ZNF728: variants seen among roughly 807,000 people sequenced by gnomAD.
The protein encoded by ZNF728 is zinc finger protein 728.
A neutral mutation model predicts 12.5 loss-of-function variants in ZNF728; 12 were observed. The ratio of observed to expected loss-of-function variants is 0.96; its 90% CI spans 0.61 to 1.55. ZNF728 has a LOEUF of 1.55. Among genes scored for constraint, ZNF728 ranks in the 40% most tolerant of loss-of-function variants. The pLI, the probability that ZNF728 is intolerant of heterozygous loss-of-function variation, is 0.00. For synonymous variants in ZNF728, 205 were observed against 240.7 expected (o/e 0.85, Z 1.37); for missense variants, 692 against 719.2 (o/e 0.96, Z 0.43).
chr19:22,979,622 G>A (rs8104964), intron 3 of ZNF728, among the ~76,000 whole-genome samples: 8,773 of 125,096 alleles, frequency 0.07, 322 homozygotes, highest in Middle Eastern at 0.12. Context: ...GAGAAAGGTC[G>A]AGATACCCAA....
intron 2 of ZNF728, among the ~76,000 whole-genome samples, chr19:22,987,751 A>C (rs1968933717): frequency 6.6e-6 from 1 of 152,170 alleles, no homozygotes; most frequent in Non-Finnish European, 1.5e-5. Context: ...ACATCTTGAA[A>C]TTTTTTTCTC....
At chr19:22,978,218 A>G (rs968253902) in intron 3 of ZNF728, among the ~76,000 whole-genome samples, 1 of 152,034 alleles carries the variant, frequency 6.6e-6, no homozygotes, top group Non-Finnish European at 1.5e-5. Flanking sequence ...AGTGATTTGC[A>G]AACATAGTCT....
At chr19:22,993,812 A>C (rs1177264276) in intron 1 of ZNF728, among the ~76,000 whole-genome samples, 1 of 152,206 alleles carries the variant, frequency 6.6e-6, no homozygotes, top group Non-Finnish European at 1.5e-5. Context: ...AGCTGAAAAA[A>C]AGGGAGAAAA....
At position 22,988,366 on chromosome 19, in the gene ZNF728, C is replaced by T. The variant is rs1257239780; in HGVS notation, c.89G>A (p.Arg30Lys). Residue 30 changes from arginine to lysine, a missense_variant, in exon 2 of 4, where the codon AGG becomes AAG. Around this residue, in one of 3 missense-constraint regions of ZNF728, gnomAD observed 440 missense variants for 459.6 expected, o/e 0.96. Transcript: ENST00000594710. The part of the protein sequence containing the change: ...CLDTAQQNLY[R>K]NVMLENYRNL... ...TCTGTAGTTCTCTAACATCACATTC[C>T]TATATAAATTCTGCTGTGCAGTGTC... 1.2e-6 allele frequency: 2 copies of T among 1,614,156 alleles called. No homozygotes were observed. Among genetic ancestry groups the T allele is most frequent in the Admixed American group, 3.3e-5 (2 of 60,016 alleles).
At chr19:22,988,799 C>G (rs546964416) in intron 1 of ZNF728, among the ~76,000 whole-genome samples, 3 of 151,966 alleles carry the variant, frequency 2.0e-5, no homozygotes, top group Non-Finnish European at 4.4e-5. Context: ...TGCCTGTAAT[C>G]CCAGCACTTT....
intron 3 of ZNF728, among the ~76,000 whole-genome samples, chr19:22,979,267 A>G (rs1968837214): frequency 6.6e-6 from 1 of 152,240 alleles, no homozygotes; most frequent in South Asian, 2.1e-4. Flanking sequence ...GATATCAGAG[A>G]CTGAAGATCA....
chr19:22,983,943 G>A (rs920852816), intron 3 of ZNF728, among the ~76,000 whole-genome samples: 13 of 151,958 alleles, frequency 8.6e-5, no homozygotes, highest in African/African-American at 2.4e-4. Context: ...ACCATGGCAC[G>A]TGCATACCTA....
At chr19:22,984,109 T>C (rs904482173) in intron 3 of ZNF728, among the ~76,000 whole-genome samples, 4 of 152,144 alleles carry the variant, frequency 2.6e-5, no homozygotes, top group African/African-American at 9.7e-5. Flanking sequence ...AACATCGGGA[T>C]ATACACCCTT....
chr19:22,977,228 C>T, intron 3 of ZNF728, 118 bp from the exon 4 acceptor site: 3 of 945,180 alleles, frequency 3.2e-6, no homozygotes, highest in Non-Finnish European at 4.5e-6. Context: ...ATGACACAGG[C>T]CCTAATTCTT....
At chr19:22,984,615 C>CACAT (rs1455557678) in intron 3 of ZNF728, among the ~76,000 whole-genome samples, 5 of 136,044 alleles carry the variant, frequency 3.7e-5, no homozygotes, top group African/African-American at 1.4e-4. Context: ...CACACACACA[C>CACAT]ATATACACAC....
intron 1 of ZNF728, among the ~76,000 whole-genome samples, chr19:23,001,460 T>C (rs1275854008): frequency 6.6e-6 from 1 of 152,222 alleles, no homozygotes; most frequent in Non-Finnish European, 1.5e-5. Context: ...ATACCTCAGG[T>C]TGTCTTATGG....
intron 1 of ZNF728, among the ~76,000 whole-genome samples, chr19:22,992,429 G>A (rs1968999524): frequency 6.6e-6 from 1 of 152,040 alleles, no homozygotes; most frequent in African/African-American, 2.4e-5. Flanking sequence ...TTTTAGTAGA[G>A]ACGGGATTTC....
At chr19:22,987,263 A>C in intron 3 of ZNF728, 45 bp downstream of exon 3, 4 of 1,566,216 alleles carry the variant, frequency 2.6e-6, no homozygotes, top group Non-Finnish European at 8.7e-7. Context: ...TTTCTCCTTG[A>C]CTTTGGACCT....
intron 3 of ZNF728, among the ~76,000 whole-genome samples, chr19:22,982,036 CA>C (rs1333030182): frequency 6.6e-6 from 1 of 152,108 alleles, no homozygotes; most frequent in Non-Finnish European, 1.5e-5. Context: ...TGAGGGCAAT[CA>C]GGCAAGAAAA....
At chr19:23,000,620 T>G (rs928158308) in intron 1 of ZNF728, among the ~76,000 whole-genome samples, 7 of 151,978 alleles carry the variant, frequency 4.6e-5, no homozygotes, top group Non-Finnish European at 7.4e-5. Context: ...TCCCAGCACT[T>G]TGGGAGGCCA....
chr19:22,980,374 C>A (rs1291528690), intron 3 of ZNF728, among the ~76,000 whole-genome samples: 1 of 152,100 alleles, frequency 6.6e-6, no homozygotes, highest in Non-Finnish European at 1.5e-5. Context: ...CACCTAGAAT[C>A]ATAAAGCAAG....
At chr19:22,989,871 T>C (rs117754460) in intron 1 of ZNF728, among the ~76,000 whole-genome samples, 2,434 of 152,254 alleles carry the variant, frequency 0.016, 32 homozygotes, top group East Asian at 0.043. Flanking sequence ...TGCATAGACA[T>C]AATAAGGAAC....
chr19:22,978,522 GCCAC>G, intron 3 of ZNF728, among the ~76,000 whole-genome samples: 2 of 152,338 alleles, frequency 1.3e-5, no homozygotes, highest in East Asian at 3.9e-4. Context: ...GGGTCAGACT[GCCAC>G]CTCAAGTGGG....
chr19:22,988,541 G>A, intron 1 of ZNF728, 90 bp from the exon 2 acceptor site: 1 of 1,558,192 alleles, frequency 6.4e-7, no homozygotes, highest in Non-Finnish European at 8.7e-7. Context: ...AGAGTAAAAA[G>A]AGCTCATTCT....
Sources: gnomAD v4.1 joint callset for allele counts (sites outside exome capture counted in the v4.1 genomes callset) on GRCh38, gnomAD v4.1.1 for gene constraint, gnomAD v4.1.1 regional missense constraint, MANE v1.5 for transcripts, NCBI Gene and HGNC (gene_info 2026-07-23, HGNC 2026-07-21) for gene names.